Variants in GTF2F2 observed in about 807,000 individuals in gnomAD.
The protein encoded by GTF2F2 is ATP-dependent helicase GTF2F2.
In GTF2F2, 23 loss-of-function variants were observed where a neutral mutation model predicts 42.2. The ratio of observed to expected loss-of-function variants is 0.55; its 90% CI spans 0.39 to 0.77. The LOEUF is 0.77. GTF2F2 is among the 30% of genes least tolerant of loss of function. The pLI is 0.00. For missense variants in GTF2F2, 261 were observed against 287.2 expected (o/e 0.91, Z 0.66); for synonymous variants, 105 against 100.8 (o/e 1.04, Z -0.25).
At chr13:45,179,214 G>T (rs1872031024) in intron 4 of GTF2F2, among the ~76,000 whole-genome samples, 1 of 152,188 alleles carries the variant, frequency 6.6e-6, no homozygotes, top group Non-Finnish European at 1.5e-5. Flanking sequence ...CGGTGTGCAA[G>T]TACAGGGAAG....
At chr13:45,271,962 A>G (rs1267570778) in intron 7 of GTF2F2, among the ~76,000 whole-genome samples, 2 of 152,178 alleles carry the variant, frequency 1.3e-5, no homozygotes, top group African/African-American at 2.4e-5. Flanking sequence ...CAAATTTACT[A>G]CTACTTAATA....
intron 1 of GTF2F2, 21 bp downstream of exon 1, chr13:45,120,742 A>T (rs1243435978): frequency 1.5e-5 from 23 of 1,526,222 alleles, no homozygotes; most frequent in Non-Finnish European, 2.0e-5. Flanking sequence ...CGAGTCTCCC[A>T]CTTGCGCTCC....
chr13:45,132,122 G>A (rs1869386741), intron 1 of GTF2F2, among the ~76,000 whole-genome samples: 1 of 152,140 alleles, frequency 6.6e-6, no homozygotes, highest in South Asian at 2.1e-4. Context: ...AGTGCTTGTT[G>A]CTTAATGTAT....
intron 5 of GTF2F2, among the ~76,000 whole-genome samples, chr13:45,211,627 G>T (rs1217573916): frequency 7.0e-6 from 1 of 143,850 alleles, no homozygotes; most frequent in African/African-American, 2.6e-5. Context: ...TGCTCTCGTT[G>T]CCCAGGCTAG....
At chr13:45,163,830 T>C (rs1871146640) in intron 4 of GTF2F2, among the ~76,000 whole-genome samples, 1 of 152,170 alleles carries the variant, frequency 6.6e-6, no homozygotes, top group Admixed American at 6.5e-5. Flanking sequence ...GGTTATTTGG[T>C]TGCCTTTGTA....
At chr13:45,247,038 CAAA>C (rs752175151) in intron 5 of GTF2F2, among the ~76,000 whole-genome samples, 1 of 69,716 alleles carries the variant, frequency 1.4e-5, no homozygotes. Flanking sequence ...GACTCTGTCT[CAAA>C]AAAAAAAAAA....
intron 2 of GTF2F2, among the ~76,000 whole-genome samples, chr13:45,149,311 C>T (rs1489426932): frequency 6.7e-6 from 1 of 149,952 alleles, no homozygotes; most frequent in African/African-American, 2.5e-5. Flanking sequence ...GGTGTGATGG[C>T]ATGCACTTGT....
chr13:45,209,965 A>G (rs1224563138), intron 5 of GTF2F2, among the ~76,000 whole-genome samples: 1 of 152,148 alleles, frequency 6.6e-6, no homozygotes, highest in Non-Finnish European at 1.5e-5. Flanking sequence ...TTACACATCC[A>G]TAGTCTGATC....
intron 7 of GTF2F2, among the ~76,000 whole-genome samples, chr13:45,277,108 C>G (rs1877067410): frequency 6.6e-6 from 1 of 152,116 alleles, no homozygotes; most frequent in African/African-American, 2.4e-5. Flanking sequence ...AAGAAAAATG[C>G]AGAAATGGTC....
At chr13:45,164,405 CAT>C (rs757576876) in intron 4 of GTF2F2, among the ~76,000 whole-genome samples, 2 of 152,082 alleles carry the variant, frequency 1.3e-5, no homozygotes, top group East Asian at 3.9e-4. Context: ...AGCAATAAAA[CAT>C]GTCGATTTAC....
At chr13:45,271,290 AAAG>A (rs1470717812) in intron 7 of GTF2F2, among the ~76,000 whole-genome samples, 153 of 152,106 alleles carry the variant, frequency 1.0e-3, no homozygotes, top group African/African-American at 3.3e-3. Context: ...AGAAAAAAAA[AAAG>A]AAAACTAGCG....
intron 6 of GTF2F2, among the ~76,000 whole-genome samples, chr13:45,262,697 G>A (rs1408613906): frequency 6.6e-6 from 1 of 152,130 alleles, no homozygotes; most frequent in Non-Finnish European, 1.5e-5. Context: ...GAGATAACAG[G>A]TGTGAGCCAC....
At chr13:45,206,214 A>T (rs1210147063) in intron 4 of GTF2F2, 2 of 152,160 alleles carry the variant, frequency 1.3e-5, no homozygotes, top group Admixed American at 6.5e-5. Flanking sequence ...TTGATTATAT[A>T]CGGTGTGCTT....
chr13:45,259,093 C>A (rs1001678928), intron 6 of GTF2F2, among the ~76,000 whole-genome samples: 6 of 152,032 alleles, frequency 3.9e-5, no homozygotes, highest in African/African-American at 1.2e-4. Context: ...CATTTGTTTT[C>A]GGTGTTGCTG....
rs60690884 is a variant in GTF2F2, at chr13:45,223,262, T to TAAAA, written c.386+15778_386+15781dup. Among the ~76,000 whole-genome samples the TAAAA allele has an allele frequency of 9.9e-3, 953 of 95,886 alleles. 24 individuals carry two copies. The highest frequency in any genetic ancestry group is 0.025 in the African/African-American group (696 of 28,366). The allele number at this position is 95,886 out of a possible 152,430, so 62.9% of individuals were successfully genotyped here. A position where few individuals can be genotyped will look rare whatever the true frequency, so the allele number is the denominator to read the frequency against. ...GTAACAGAGGGAGACCTTGTCTCAA[T>TAAAA]AAAAAAAAAAAAAAAAAAAAAAAAG... is the stretch of plus-strand genomic sequence containing the variant. On this transcript the variant is annotated intron_variant, in intron 5 of 7. Transcript: ENST00000340473.
intron 2 of GTF2F2, among the ~76,000 whole-genome samples, chr13:45,149,288 C>T (rs1339867451): frequency 6.7e-6 from 1 of 148,750 alleles, no homozygotes; most frequent in Non-Finnish European, 1.5e-5. Context: ...AAAAAAAATA[C>T]AGAAGTTAGC....
intron 4 of GTF2F2, among the ~76,000 whole-genome samples, chr13:45,158,957 C>G (rs1870901610): frequency 6.6e-6 from 1 of 152,206 alleles, no homozygotes; most frequent in African/African-American, 2.4e-5. Context: ...ATTCTTGATT[C>G]AAAGTGGTTT....
intron 4 of GTF2F2, among the ~76,000 whole-genome samples, chr13:45,204,103 CTA>C (rs1873322604): frequency 6.6e-6 from 1 of 151,848 alleles, no homozygotes; most frequent in Non-Finnish European, 1.5e-5. Flanking sequence ...TTTTGGGAGT[CTA>C]TACATTTTTC....
At chr13:45,263,976 G>A (rs1876455123) in intron 6 of GTF2F2, 1 of 153,658 alleles carries the variant, frequency 6.5e-6, no homozygotes, top group African/African-American at 2.4e-5. Context: ...TCACTGACTT[G>A]TGTTCGTGAA....
Sources: allele counts gnomAD v4.1 joint callset (sites outside exome capture counted in the v4.1 genomes callset), GRCh38; gene constraint gnomAD v4.1.1; transcripts MANE v1.5; gene names NCBI Gene and HGNC (gene_info 2026-07-23, HGNC 2026-07-21).